DMD: variants seen among roughly 807,000 people sequenced by gnomAD.
DMD encodes the protein mutant dystrophin.
In DMD, 63 loss-of-function variants were observed where a neutral mutation model predicts 330.1. The ratio of observed to expected loss-of-function variants is 0.19; its 90% CI spans 0.16 to 0.24. DMD has a LOEUF of 0.24. Ranked by LOEUF, DMD falls within the 10% of genes least tolerant of loss-of-function variation. DMD has a pLI of 1.00. For missense variants in DMD, 3,344 were observed against 2,684.1 expected, an observed-to-expected ratio of 1.25 and a Z score of -5.43; for synonymous variants, 1,223 against 959.8, an observed-to-expected ratio of 1.27 and a Z score of -5.07.
intron 62 of DMD, among the ~76,000 whole-genome samples, chrX:31,313,710 A>G (rs1327901709): frequency 1.8e-5 from 2 of 109,040 alleles, no homozygotes; most frequent in African/African-American, 3.4e-5. Context: ...TCCAATGTCT[A>G]TCCTTCTTAT....
rs182139208 is a variant in DMD, at chrX:31,640,713, G to A, written c.8028-12851C>T. Among the ~76,000 whole-genome samples the A allele has an allele frequency of 7.1e-5, 8 of 112,343 alleles. No individual in the cohort carries two copies. In the East Asian group the frequency reaches 2.0e-3, roughly 27 times the overall value. On this transcript the variant is annotated intron_variant, in intron 54 of 78. Transcript: ENST00000357033. ...TAACTCCATGTCCATGTGACATAGC[G>A]TTATTCTGTGTAATTCTGTAAATTA...
chrX:31,321,666 C>T (rs2056445279), intron 62 of DMD, among the ~76,000 whole-genome samples: 1 of 106,729 alleles, frequency 9.4e-6, no homozygotes, highest in African/African-American at 3.4e-5. Context: ...ATACAGTCGC[C>T]TAATGACAGA....
intron 16 of DMD, among the ~76,000 whole-genome samples, chrX:32,559,650 T>A (rs2050764294): frequency 8.9e-6 from 1 of 111,846 alleles, no homozygotes; most frequent in South Asian, 3.7e-4. Flanking sequence ...AGAGGATCTT[T>A]AAAGAATGAG....
In DMD at chrX:32,983,574, CAT is replaced by C. The variant is rs10566224; in HGVS notation, c.93+36563_93+36564del. 2.9e-3 allele frequency among the ~76,000 whole-genome samples: 186 copies of C among 63,954 alleles called. 4 individuals carry two copies. In the East Asian group the frequency reaches 0.031, roughly 11 times the overall value. 55.5% of individuals were successfully genotyped at this position (63,954 alleles called of 115,157 possible). A position where few individuals can be genotyped will look rare whatever the true frequency, so the allele number is the denominator to read the frequency against. Reference sequence around the variant, plus strand: ...ACACACACACACACACACACACACACATATAGGAACACCGAGAGAAACTGAAT... The same window carrying C: ...ACACACACACACACACACACACACACATAGGAACACCGAGAGAAACTGAAT... On this transcript the variant is annotated intron_variant, in intron 2 of 78. Transcript: ENST00000357033.
rs139214975 is a variant in DMD at position 32,535,870 on chromosome X, A to G, written c.2168+9289T>C. Among the ~76,000 whole-genome samples, 785 of 111,995 alleles carry G rather than the reference A, an allele frequency of 7.0e-3. 17 individuals carry two copies. The highest frequency in any genetic ancestry group is 0.059 in the Admixed American group (620 of 10,510). On this transcript the variant is annotated intron_variant, in intron 17 of 78. Transcript: ENST00000357033. ...TATGCATTATAGGTGTACAGATGACAAGAAATGATTTCTTCCCTCAAGGCG... is the reference window on the plus strand; with the variant it reads ...TATGCATTATAGGTGTACAGATGACGAGAAATGATTTCTTCCCTCAAGGCG...
chrX:33,269,461 G>A (rs1261430510), intron 1 of DMD, among the ~76,000 whole-genome samples: 2 of 110,956 alleles, frequency 1.8e-5, no homozygotes, highest in Non-Finnish European at 3.8e-5. Context: ...GGCGGGGAAG[G>A]AGTTAAAAGC....
intron 9 of DMD, among the ~76,000 whole-genome samples, chrX:32,650,407 T>C (rs1349107668): frequency 8.9e-6 from 1 of 111,759 alleles, no homozygotes; most frequent in African/African-American, 3.3e-5. Context: ...GGTGAATTTT[T>C]TGGTGTATTC....
chrX:32,153,835 C>T (rs1042085273), intron 44 of DMD, among the ~76,000 whole-genome samples: 20 of 112,031 alleles, frequency 1.8e-4, no homozygotes, highest in Non-Finnish European at 3.6e-4. Context: ...GTAATTACAC[C>T]ACTCCATCTT....
At chrX:32,841,815 T>G (rs1400458832) in intron 4 of DMD, among the ~76,000 whole-genome samples, 1 of 111,956 alleles carries the variant, frequency 8.9e-6, no homozygotes, top group African/African-American at 3.2e-5. Flanking sequence ...GTCATAAAAA[T>G]ATAAAGTTTT....
intron 54 of DMD, among the ~76,000 whole-genome samples, chrX:31,628,430 G>A (rs1039210457): frequency 2.7e-5 from 3 of 110,682 alleles, no homozygotes; most frequent in African/African-American, 6.6e-5. Context: ...GGGATTGGAG[G>A]GCAAAGGAAG....
intron 41 of DMD, among the ~76,000 whole-genome samples, chrX:32,339,659 G>A (rs1215397932): frequency 9.0e-6 from 1 of 111,613 alleles, no homozygotes; most frequent in Non-Finnish European, 1.9e-5. Flanking sequence ...TAATTTTACA[G>A]TGGTTAGCAC....
At chrX:31,738,650 A>T (rs1227509159) in intron 51 of DMD, among the ~76,000 whole-genome samples, 2 of 112,262 alleles carry the variant, frequency 1.8e-5, no homozygotes, top group African/African-American at 6.5e-5. Flanking sequence ...CGCTATTCAC[A>T]ATAGCCAAGA....
intron 44 of DMD, among the ~76,000 whole-genome samples, chrX:32,160,872 T>A (rs1340681313): frequency 9.0e-6 from 1 of 111,550 alleles, no homozygotes; most frequent in Non-Finnish European, 1.9e-5. Flanking sequence ...AACTTTAATA[T>A]TAGAGATTAT....
intron 44 of DMD, among the ~76,000 whole-genome samples, chrX:32,089,843 T>A (rs2096464002): frequency 8.9e-6 from 1 of 112,033 alleles, no homozygotes; most frequent in Admixed American, 9.5e-5. Context: ...GTAATTCTTT[T>A]GTAAGTTATT....
At chrX:32,428,062 T>G (rs1448797331) in intron 29 of DMD, among the ~76,000 whole-genome samples, 1 of 111,635 alleles carries the variant, frequency 9.0e-6, no homozygotes, top group Non-Finnish European at 1.9e-5. Context: ...ATGTTGTTTT[T>G]ATTTATTTCT....
intron 53 of DMD, among the ~76,000 whole-genome samples, chrX:31,662,822 C>T (rs189235288): frequency 2.1e-3 from 232 of 111,696 alleles, no homozygotes; most frequent in African/African-American, 6.9e-3. Flanking sequence ...AGCAATTGCT[C>T]GGAAAATTGT....
At chrX:32,314,842 C>A (rs1315490453) in intron 41 of DMD, among the ~76,000 whole-genome samples, 2 of 111,753 alleles carry the variant, frequency 1.8e-5, no homozygotes, top group African/African-American at 6.5e-5. Flanking sequence ...AACGAGATAG[C>A]ATCTCACACC....
intron 62 of DMD, among the ~76,000 whole-genome samples, chrX:31,303,630 TTC>T (rs772780096): frequency 1.2e-4 from 13 of 111,843 alleles, no homozygotes; most frequent in Non-Finnish European, 2.1e-4. Flanking sequence ...AAATCCCATC[TTC>T]TCTCACCTGG....
At chrX:32,065,253 C>T (rs2096252250) in intron 44 of DMD, among the ~76,000 whole-genome samples, 2 of 111,376 alleles carry the variant, frequency 1.8e-5, no homozygotes, top group African/African-American at 6.5e-5. Context: ...AAGTTCTTTG[C>T]CGTCCAAAGT....
Sources: allele counts gnomAD v4.1 joint callset (sites outside exome capture counted in the v4.1 genomes callset), GRCh38; gene constraint gnomAD v4.1.1; transcripts MANE v1.5; gene names NCBI Gene and HGNC (gene_info 2026-07-23, HGNC 2026-07-21).